NOS1: variants seen among roughly 807,000 people sequenced by gnomAD.
NOS1 encodes the protein nitric oxide synthase 1.
In NOS1, 51 loss-of-function variants were observed where a neutral mutation model predicts 164.5. The observed-to-expected ratio is 0.31, with a 90% CI of 0.25 to 0.39. The LOEUF (loss-of-function observed/expected upper bound fraction) is 0.39, where lower values mean the gene tolerates loss of function less well. NOS1 is among the 10% of genes least tolerant of loss of function. The probability of loss-of-function intolerance (pLI) is 1.00; values close to 1 mark genes in which losing one functional copy is unlikely to be tolerated. For missense variants in NOS1, 1,362 were observed against 1,885.6 expected, an observed-to-expected ratio of 0.72 and a Z score of 5.14; for synonymous variants, 719 against 745.8, an observed-to-expected ratio of 0.96 and a Z score of 0.59.
chr12:117,290,184 G>T (rs1872954268), intron 4 of NOS1, 114 bp downstream of exon 4: 2 of 1,304,836 alleles, frequency 1.5e-6, no homozygotes, highest in Admixed American at 4.2e-5. Flanking sequence ...GTCAGGGGTG[G>T]TGCTCAACAC....
In NOS1 at chr12:117,214,500, A is replaced by G. The variant is rs1032285629; in HGVS notation, c.*809T>C. The G allele has an allele frequency of 6.1e-6, 6 of 985,242 alleles. No homozygotes were observed. The highest frequency in any genetic ancestry group is 1.1e-4 in the East Asian group (1 of 8,822). The allele number at this position is 985,242 out of a possible 1,614,324, so 61.0% of individuals were successfully genotyped here. On this transcript the variant is annotated 3_prime_UTR_variant, in exon 29 of 29. Coordinates refer to ENST00000317775, the MANE Select transcript of NOS1 (RefSeq NM_000620.5). ...TGGGTTTGGGGAGGGGATTTGCACA[A>G]TCCATTGGATGGGTTCATGTCACAT...
rs754469036 is a variant in NOS1, at chr12:117,361,543, C to G, written c.-452G>C. On this transcript the variant is annotated 5_prime_UTR_variant, in exon 1 of 29. Coordinates refer to ENST00000317775, the MANE Select transcript of NOS1 (RefSeq NM_000620.5). ...CGCTCGGCCGCTGCTCGCTGCCCGG[C>G]CGCCCCTCGGAGGAGCCGCGGCGCT... 4 of 152,158 alleles carry G rather than the reference C, an allele frequency of 2.6e-5. No homozygotes were observed. The highest frequency in any genetic ancestry group is 1.3e-4 in the Admixed American group (2 of 15,278). The allele number at this position is 152,158 out of a possible 1,614,324, so 9.4% of individuals were successfully genotyped here.
intron 3 of NOS1, among the ~76,000 whole-genome samples, chr12:117,310,553 C>A (rs1239322548): frequency 1.3e-5 from 2 of 152,136 alleles, no homozygotes; most frequent in African/African-American, 4.8e-5. Flanking sequence ...CACACAAAAA[C>A]CATTAATATT....
In NOS1 at chr12:117,335,927, G is replaced by C. The variant is rs535073310; in HGVS notation, c.-420-4438C>G. 2.6e-5 allele frequency among the ~76,000 whole-genome samples: 4 copies of C among 152,098 alleles called. No homozygotes were observed. The East Asian group carries it at 7.8e-4, about 29-fold the overall frequency. On this transcript the variant is annotated intron_variant, in intron 1 of 28. Coordinates refer to ENST00000317775, the MANE Select transcript of NOS1 (RefSeq NM_000620.5). ...AGAGACAGAGTCTCACTATGTTCTCGAACTCCTGGGCTCAAGTGACCCTCC... is the reference window on the plus strand; with the variant it reads ...AGAGACAGAGTCTCACTATGTTCTCCAACTCCTGGGCTCAAGTGACCCTCC...
chr12:117,340,062 T>C (rs1876024261), intron 1 of NOS1, among the ~76,000 whole-genome samples: 2 of 152,128 alleles, frequency 1.3e-5, no homozygotes. Context: ...TGGAGGGCAG[T>C]GGTGTAATAA....
chr12:117,280,089 G>A (rs190233974), intron 8 of NOS1, among the ~76,000 whole-genome samples: 235 of 152,292 alleles, frequency 1.5e-3, no homozygotes, highest in Non-Finnish European at 1.2e-3. Context: ...GGCATGGTCC[G>A]TATAAGCTAC....
At chr12:117,343,986 AT>A (rs1876228891) in intron 1 of NOS1, among the ~76,000 whole-genome samples, 1 of 152,260 alleles carries the variant, frequency 6.6e-6, no homozygotes, top group African/African-American at 2.4e-5. Flanking sequence ...ATAAACTACA[AT>A]GGCAGAAATA....
Position 117,288,146 on chromosome 12 carries a change from T to A in NOS1, c.1055A>T (p.Asp352Val), listed in dbSNP as rs1397926815. 1.9e-6 allele frequency: 3 copies of A among 1,614,146 alleles called. No homozygotes were observed. Among genetic ancestry groups the A allele is most frequent in the Non-Finnish European group, 2.5e-6 (3 of 1,180,026 alleles). The change falls in exon 5 of 29, where the codon GAC (aspartate) becomes GTC (valine). Residue 352 changes from aspartate to valine, a missense_variant. Asp to Val is a radical substitution (Grantham distance 152). Around this residue, in one of 4 missense-constraint regions of NOS1, gnomAD observed 129 missense variants for 186.0 expected, o/e 0.69. Coordinates refer to ENST00000317775, the MANE Select transcript of NOS1 (RefSeq NM_000620.5). The stretch of plus-strand genomic sequence containing the variant: ...GAAGAGCTGTCCTTTTGTGCGGACG[T>A]CTTCAGGCCTCCTTGCATGCTGAGA... ...HPSQHARRPE[D>V]VRTKGQLFPL...
At position 117,209,101 on chromosome 12, in the gene NOS1, A is replaced by G; in HGVS notation, c.*6208T>C. On this transcript the variant is annotated 3_prime_UTR_variant, in exon 29 of 29. Transcript: ENST00000317775. ...CCCTCAAATCCCACTTTGGCAGCAG[A>G]TAATGGAAACAACCACTGGGCTAGG... 1.0e-6 allele frequency: 1 copy of G among 985,348 alleles called. No homozygotes were observed. Among genetic ancestry groups the G allele is most frequent in the Non-Finnish European group, 1.2e-6 (1 of 829,916 alleles). 61.0% of individuals were successfully genotyped at this position (985,348 alleles called of 1,614,324 possible). A position where few individuals can be genotyped will look rare whatever the true frequency, so the allele number is the denominator to read the frequency against.
Position 117,258,428 on chromosome 12 carries a change from T to C in NOS1, c.2500A>G (p.Arg834Gly). The change falls in exon 16 of 29, where the codon AGG becomes GGG. Residue 834 changes from arginine to glycine, a missense_variant. Arg to Gly is a moderately radical substitution (Grantham distance 125). This residue lies in a region of NOS1 where 737 missense variants were observed against 1,030.3 expected (regional missense o/e 0.72). Transcript: ENST00000317775. The part of the protein sequence containing the change: ...EKFGCALMEM[R>G]HPNSVQEERK... ...TCTTCCTGCACAGAGTTGGGGTGCC[T>C]CATTTCCATCAAAGCACAGCCGAAT... is the stretch of plus-strand genomic sequence containing the variant. 1.2e-6 allele frequency: 2 copies of C among 1,614,122 alleles called. No homozygotes were observed. The highest frequency in any genetic ancestry group is 2.7e-5 in the African/African-American group (2 of 75,026).
At chr12:117,305,860 C>T (rs904523307) in intron 3 of NOS1, among the ~76,000 whole-genome samples, 1 of 150,800 alleles carries the variant, frequency 6.6e-6, no homozygotes, top group East Asian at 2.0e-4. Flanking sequence ...GGTGCAGTCT[C>T]GGCTCACTGA....
In NOS1 at chr12:117,278,112, C is replaced by A. The variant is rs768754561; in HGVS notation, c.1525-14G>T. ...CTGTATGCATATCTGCAAGCAGACC[C>A]GGCCAGGTAATGCCACTGTACCCCA... is the stretch of plus-strand genomic sequence containing the variant. On this transcript the variant is annotated splice_polypyrimidine_tract_variant and intron_variant, in intron 8 of 28. Transcript: ENST00000317775. 6 of 1,606,178 alleles carry A rather than the reference C, an allele frequency of 3.7e-6. No individual in the cohort carries two copies. The highest frequency in any genetic ancestry group is 1.7e-5 in the Admixed American group (1 of 59,738).
chr12:117,267,358 A>G (rs991534491), intron 11 of NOS1, among the ~76,000 whole-genome samples: 1 of 152,188 alleles, frequency 6.6e-6, no homozygotes, highest in Non-Finnish European at 1.5e-5. Context: ...AGGCCGAGGC[A>G]GGTGAATCAC....
intron 22 of NOS1, among the ~76,000 whole-genome samples, chr12:117,230,586 C>A (rs917463385): frequency 5.9e-5 from 9 of 152,206 alleles, no homozygotes; most frequent in African/African-American, 1.9e-4. Flanking sequence ...GTGCTGGGGG[C>A]TTGCTCACTG....
At chr12:117,242,593 A>G (rs911866947) in intron 20 of NOS1, 34 bp downstream of exon 20, 46 of 1,562,940 alleles carry the variant, frequency 2.9e-5, no homozygotes, top group Non-Finnish European at 4.1e-5. Flanking sequence ...TTGGGAGAAG[A>G]CGTAGGTAAC....
At chr12:117,300,904 A>G (rs1200514408) in intron 3 of NOS1, among the ~76,000 whole-genome samples, 1 of 152,184 alleles carries the variant, frequency 6.6e-6, no homozygotes. Flanking sequence ...CTGAGATGTC[A>G]GCCTCAAGGG....
chr12:117,209,077 C>G lies in NOS1; in HGVS notation c.*6232G>C, dbSNP rs1956489505. On this transcript the variant is annotated 3_prime_UTR_variant, in exon 29 of 29. Transcript: ENST00000317775. Reference sequence around the variant, plus strand: ...TCCCCATGCCCCCTCCCCCGGACACCCTCAAATCCCACTTTGGCAGCAGAT... The same window carrying G: ...TCCCCATGCCCCCTCCCCCGGACACGCTCAAATCCCACTTTGGCAGCAGAT... 2 of 985,180 alleles carry G rather than the reference C, an allele frequency of 2.0e-6. No homozygotes were observed. Among genetic ancestry groups the G allele is most frequent in the Non-Finnish European group, 2.4e-6 (2 of 829,934 alleles). The allele number at this position is 985,180 out of a possible 1,614,324, so 61.0% of individuals were successfully genotyped here. A position where few individuals can be genotyped will look rare whatever the true frequency, so the allele number is the denominator to read the frequency against.
At chr12:117,258,701 C>T (rs565892978) in intron 15 of NOS1, among the ~76,000 whole-genome samples, 1 of 152,258 alleles carries the variant, frequency 6.6e-6, no homozygotes, top group East Asian at 1.9e-4. Context: ...CCCGTTGGAG[C>T]CTTCCTTCTA....
Position 117,330,650 on chromosome 12 carries a change from C to T in NOS1, c.420G>A (p.Pro140=), listed in dbSNP as rs9658278. Residue 140 remains proline (P), a synonymous_variant, in exon 2 of 29, where the codon CCG becomes CCA. Coordinates refer to ENST00000317775, the MANE Select transcript of NOS1 (RefSeq NM_000620.5). This position sits in a 1 kb window ranked among gnomAD's most constrained non-coding sequence, Gnocchi z 4.6. ...TKAVDLSHQP[P]AGKEQPLAVD... ...CTGCCAGGGGCTGTTCTTTGCCGGC[C>T]GGTGGCTGGTGGGACAGATCCACGG... 4.5e-3 allele frequency: 7,246 copies of T among 1,611,692 alleles called. 69 individuals carry two copies. The highest frequency in any genetic ancestry group is 0.029 in the South Asian group (2,606 of 91,028).
Sources: allele counts gnomAD v4.1 joint callset (sites outside exome capture counted in the v4.1 genomes callset), GRCh38; gene constraint gnomAD v4.1.1; regional missense constraint gnomAD v4.1.1; non-coding constraint Gnocchi (gnomAD v3.1); transcripts MANE v1.5; gene names NCBI Gene and HGNC (gene_info 2026-07-23, HGNC 2026-07-21).